MUC5B: variants seen among roughly 807,000 people sequenced by gnomAD.
MUC5B encodes the protein mucin-5B.
A neutral mutation model predicts 376.9 loss-of-function variants in MUC5B; 116 were observed. That is an observed-to-expected ratio of 0.31 (90% CI 0.26 to 0.36). The LOEUF (loss-of-function observed/expected upper bound fraction) is 0.36, where lower values mean the gene tolerates loss of function less well. Among genes scored for constraint, MUC5B ranks in the 10% least tolerant of loss-of-function variants. The pLI, the probability that MUC5B is intolerant of heterozygous loss-of-function variation, is 1.00. For missense variants in MUC5B, 7,165 were observed against 7,769.9 expected, an observed-to-expected ratio of 0.92 and a Z score of 2.93; for synonymous variants, 3,517 against 3,390.9, an observed-to-expected ratio of 1.04 and a Z score of -1.29.
chr11:1,252,369 C>T lies in MUC5B; in HGVS notation c.14890C>T (p.Arg4964Ter), dbSNP rs775574831. The part of the protein sequence containing the change: ...PGEVIYNKTD[R>*]AGCHFYAVCN... ...GGAAGTCATCTACAATAAGACCGAC[C>T]GAGCCGGCTGCCATTTCTACGCAGT... The change falls in exon 32 of 49, where the codon CGA becomes TGA. Residue 4964 changes from arginine to a stop codon, truncating the protein, a stop_gained. Transcript: ENST00000529681. LOFTEE classifies it high-confidence loss of function. 7 of 1,579,620 alleles carry T rather than the reference C, an allele frequency of 4.4e-6. No individual in the cohort carries two copies. The highest frequency in any genetic ancestry group is 2.3e-5 in the South Asian group (2 of 86,126).
rs1175000867 is a variant in MUC5B, at chr11:1,249,317, G to A, written c.12437G>A (p.Gly4146Glu). 2.0e-5 allele frequency: 32 copies of A among 1,610,718 alleles called. No individual in the cohort carries two copies. Among genetic ancestry groups the A allele is most frequent in the Middle Eastern group, 4.5e-4 (2 of 4,454 alleles). ...CTGGACTACAGCTACCCCATGCCGG[G>A]GCCCTCTGGCGGGGACTTTGACACC... ...EWLDYSYPMP[G>E]PSGGDFDTYS... Residue 4146 changes from glycine to glutamate, a missense_variant, in exon 31 of 49, where the codon GGG (glycine) becomes GAG (glutamate). Gly to Glu is a moderately conservative substitution (Grantham distance 98). Coordinates refer to ENST00000529681, the MANE Select transcript of MUC5B (RefSeq NM_002458.3).
At chr11:1,238,559 A>C (rs576073060) in intron 25 of MUC5B, among the ~76,000 whole-genome samples, 1 of 152,306 alleles carries the variant, frequency 6.6e-6, no homozygotes, top group Admixed American at 6.5e-5. Flanking sequence ...AGAAAGATCC[A>C]AAGAGCACAT....
intron 46 of MUC5B, 54 bp from the exon 47 acceptor site, chr11:1,260,297 C>T: frequency 6.3e-7 from 1 of 1,578,036 alleles, no homozygotes; most frequent in Non-Finnish European, 8.7e-7. Context: ...GGAGGCCGCA[C>T]CCACCAGGGA....
At chr11:1,228,543 C>A in intron 7 of MUC5B, 21 bp from the exon 8 acceptor site, 1 of 1,499,000 alleles carries the variant, frequency 6.7e-7, no homozygotes, top group South Asian at 1.2e-5. Context: ...GGTGCCCAGC[C>A]TGGCCCACTG....
chr11:1,223,467 G>T, intron 1 of MUC5B: 1 of 559,350 alleles, frequency 1.8e-6, no homozygotes, highest in Non-Finnish European at 3.3e-6. Flanking sequence ...ACCACCGAAA[G>T]GGTCTTGGTC....
At chr11:1,223,751 C>T (rs370494451) in intron 1 of MUC5B, among the ~76,000 whole-genome samples, 192 of 152,384 alleles carry the variant, frequency 1.3e-3, no homozygotes, top group South Asian at 3.1e-3. Flanking sequence ...TCATGCCGCA[C>T]GGGCTGCCTG....
In MUC5B at chr11:1,234,454, G is replaced by T; in HGVS notation, c.2479-75G>T. 1 of 1,529,730 alleles carries T rather than the reference G, an allele frequency of 6.5e-7. No homozygotes were observed. The highest frequency in any genetic ancestry group is 8.8e-7 in the Non-Finnish European group (1 of 1,133,566). The allele number at this position is 1,529,730 out of a possible 1,614,324, so 94.8% of individuals were successfully genotyped here. ...CGTTGCCCTGGGTGCTGCTGGGTGC[G>T]CCTGTCCCAGAGGGTGAGTGACATC... On this transcript the variant is annotated intron_variant, in intron 20 of 48. Coordinates refer to ENST00000529681, the MANE Select transcript of MUC5B (RefSeq NM_002458.3). The surrounding 1 kb of genome is among the most constrained non-coding windows in gnomAD (Gnocchi z 6.3).
chr11:1,231,547 G>A lies in MUC5B; in HGVS notation c.1665G>A (p.Gln555=). 1 of 1,580,500 alleles carries A rather than the reference G, an allele frequency of 6.3e-7. No homozygotes were observed. The highest frequency in any genetic ancestry group is 8.6e-7 in the Non-Finnish European group (1 of 1,165,364). ...TTGTCAGGCTGGACCCCGCCCACCA[G>A]GGCCAGATGTGCGGTGAGGCTGGGC... is the stretch of plus-strand genomic sequence containing the variant. ...QVFVRLDPAH[Q]GQMCGLCGNF... The change falls in exon 14 of 49, where the codon CAG becomes CAA. Residue 555 remains glutamine, a synonymous_variant. Coordinates refer to ENST00000529681, the MANE Select transcript of MUC5B (RefSeq NM_002458.3).
Position 1,244,391 on chromosome 11 carries a change from C to G in MUC5B, c.7511C>G (p.Thr2504Arg), listed in dbSNP as rs1319771292. 4 of 1,596,706 alleles carry G rather than the reference C, an allele frequency of 2.5e-6. No homozygotes were observed. ...GTGAGCACCACGGCCACGACACCCA[C>G]AGTCACCAGCTCCAAAGCCACTCCC... ...PHVSTTATTP[T>R]VTSSKATPFS... The change falls in exon 31 of 49, where the codon ACA becomes AGA. Residue 2504 changes from threonine to arginine, a missense_variant. By Grantham distance (71) the Thr-to-Arg change is moderately conservative. This residue lies in a region of MUC5B where 194 missense variants were observed against 268.5 expected (regional missense o/e 0.72). Coordinates refer to ENST00000529681, the MANE Select transcript of MUC5B (RefSeq NM_002458.3).
At position 1,254,021 on chromosome 11, in the gene MUC5B, G is replaced by C. The variant is rs569661131; in HGVS notation, c.15218-71G>C. The C allele has an allele frequency of 3.2e-6, 5 of 1,546,720 alleles. No homozygotes were observed. The South Asian group carries it at 3.5e-5, about 11-fold the overall frequency. On this transcript the variant is annotated intron_variant, in intron 33 of 48. Coordinates refer to ENST00000529681, the MANE Select transcript of MUC5B (RefSeq NM_002458.3). ...AGGCGGCAGTCACAGTGGTGACGCT[G>C]GCTGCCATGACGCCTGGGGAGCGAG...
In MUC5B at chr11:1,232,728, G is replaced by A. The variant is rs760417; in HGVS notation, c.2023G>A (p.Ala675Thr). 31 of 1,600,868 alleles carry A rather than the reference G, an allele frequency of 1.9e-5. No individual in the cohort carries two copies. The highest frequency in any genetic ancestry group is 1.5e-4 in the Admixed American group (9 of 58,640). ...GTCCTCCTATGTGCACGCCTGTGCC[G>A]CCAAGGGCGTACAGCTCAGCGACTG... ...ALSSYVHACAAKGVQLSDWRD... is the reference protein window; with the variant it reads ...ALSSYVHACATKGVQLSDWRD... Residue 675 changes from alanine to threonine, a missense_variant, in exon 17 of 49, where the codon GCC becomes ACC. Ala to Thr is a moderately conservative substitution (Grantham distance 58, BLOSUM62 0). Coordinates refer to ENST00000529681, the MANE Select transcript of MUC5B (RefSeq NM_002458.3).
chr11:1,232,809 C>T (rs2735712), intron 17 of MUC5B, 39 bp downstream of exon 17: 34 of 1,542,444 alleles, frequency 2.2e-5, no homozygotes, highest in African/African-American at 4.1e-5. Flanking sequence ...GTCCACACCG[C>T]GTGGGGGTGC....
chr11:1,251,385 G>A lies in MUC5B; in HGVS notation c.14505G>A (p.Thr4835=), dbSNP rs201832207. ...CTACAACTGCAGCCACTGGATCCACGGCCACCCTGTCCTCCACCCCAGGGA... is the reference window on the plus strand; with the variant it reads ...CTACAACTGCAGCCACTGGATCCACAGCCACCCTGTCCTCCACCCCAGGGA... ...TATTTAATGS[T]ATLSSTPGTT... The change falls in exon 31 of 49, where the codon ACG becomes ACA. Residue 4835 remains threonine (T), a synonymous_variant. Transcript: ENST00000529681. 877 of 1,612,374 alleles carry A rather than the reference G, an allele frequency of 5.4e-4. 3 individuals carry two copies. The highest frequency in any genetic ancestry group is 9.9e-4 in the Middle Eastern group (6 of 6,062).
chr11:1,249,090 C>A lies in MUC5B; in HGVS notation c.12210C>A (p.His4070Gln). The change falls in exon 31 of 49, where the codon CAC becomes CAA. Residue 4070 changes from histidine (H) to glutamine (Q), a missense_variant. Coordinates refer to ENST00000529681, the MANE Select transcript of MUC5B (RefSeq NM_002458.3). ...CGACTCCAGCCCTGTCCAGCCCTCA[C>A]CCTAGCAGCAGGACCACCGAGTCAC... ...QHSTPALSSP[H>Q]PSSRTTESPP... The A allele has an allele frequency of 6.2e-7, 1 of 1,610,918 alleles. No homozygotes were observed. The highest frequency in any genetic ancestry group is 8.5e-7 in the Non-Finnish European group (1 of 1,179,468).
intron 47 of MUC5B, 68 bp from the exon 48 acceptor site, chr11:1,260,558 G>C (rs1862971325): frequency 6.6e-7 from 1 of 1,510,230 alleles, no homozygotes; most frequent in Admixed American, 1.8e-5. Context: ...GGGAGGGTCG[G>C]CCCAGCAAGT....
In MUC5B at chr11:1,252,946, G is replaced by A. The variant is rs372887503; in HGVS notation, c.15183G>A (p.Pro5061=). The A allele has an allele frequency of 1.3e-5, 21 of 1,612,660 alleles. No individual in the cohort carries two copies. The highest frequency in any genetic ancestry group is 4.5e-5 in the East Asian group (2 of 44,880). The stretch of plus-strand genomic sequence containing the variant: ...ACCTGCCCATCAAAGTGTCGGACCC[G>A]AGCCAGCCCTGTGACTTCCACTATG... ...NKHLPIKVSD[P]SQPCDFHYEC... is the part of the protein sequence containing the mutation. Residue 5061 remains proline (P), a synonymous_variant, in exon 33 of 49, where the codon CCG becomes CCA. Coordinates refer to ENST00000529681, the MANE Select transcript of MUC5B (RefSeq NM_002458.3).
Position 1,236,308 on chromosome 11 carries a change from G to A in MUC5B, c.2881-78G>A, listed in dbSNP as rs905539532. On this transcript the variant is annotated intron_variant, in intron 23 of 48. Transcript: ENST00000529681. ...GCCCGTGCGCACCTGCAGAGCACTGGGTGGGGCATCCCTGGGTCTCAGGCC... is the reference window on the plus strand; with the variant it reads ...GCCCGTGCGCACCTGCAGAGCACTGAGTGGGGCATCCCTGGGTCTCAGGCC... 3.5e-6 allele frequency: 5 copies of A among 1,446,214 alleles called. No individual in the cohort carries two copies. In the African/African-American group the frequency reaches 7.1e-5, roughly 20 times the overall value. The allele number at this position is 1,446,214 out of a possible 1,614,324, so 89.6% of individuals were successfully genotyped here.
At chr11:1,238,348 G>A (rs1862199974) in intron 25 of MUC5B, among the ~76,000 whole-genome samples, 1 of 152,242 alleles carries the variant, frequency 6.6e-6, no homozygotes, top group East Asian at 1.9e-4. Flanking sequence ...GCAGAAAGGC[G>A]GTGGGTGCTG....
chr11:1,256,051 G>A (rs1375924711), intron 37 of MUC5B, 105 bp from the exon 38 acceptor site: 5 of 612,244 alleles, frequency 8.2e-6, no homozygotes, highest in Non-Finnish European at 1.5e-5. Context: ...GCGGCCCCGG[G>A]CCCCCCAGAC....
Sources: allele counts gnomAD v4.1 joint callset (sites outside exome capture counted in the v4.1 genomes callset), GRCh38; gene constraint gnomAD v4.1.1; regional missense constraint gnomAD v4.1.1; non-coding constraint Gnocchi (gnomAD v3.1); transcripts MANE v1.5; gene names NCBI Gene and HGNC (gene_info 2026-07-23, HGNC 2026-07-21).